The following RASGRP3 variants were observed in gnomAD, a reference collection of about 807,000 sequenced individuals.
RASGRP3 encodes the protein RAS guanyl releasing protein 3.
RASGRP3 carries 54 observed loss-of-function variants against 82.7 expected under a neutral mutation model. The observed-to-expected ratio is 0.65, with a 90% CI of 0.52 to 0.82. The LOEUF (loss-of-function observed/expected upper bound fraction) is 0.82. RASGRP3 is among the 40% of genes least tolerant of loss of function. The pLI is 0.00. For synonymous variants in RASGRP3, 309 were observed against 300.5 expected (o/e 1.03, Z -0.29); for missense variants, 861 against 828.9 (o/e 1.04, Z -0.48).
At chr2:33,530,341 C>T (rs1277135619) in intron 10 of RASGRP3, among the ~76,000 whole-genome samples, 1 of 152,138 alleles carries the variant, frequency 6.6e-6, no homozygotes, top group Non-Finnish European at 1.5e-5. Context: ...ATGCCTACTC[C>T]GTGTGGTAGG....
At chr2:33,561,837 T>C (rs941104169) in intron 17 of RASGRP3, among the ~76,000 whole-genome samples, 5 of 152,202 alleles carry the variant, frequency 3.3e-5, no homozygotes, top group African/African-American at 1.2e-4. Flanking sequence ...TGGCAGTGTA[T>C]GTCATCTCCC....
chr2:33,517,944 C>G (rs764744008), intron 4 of RASGRP3, among the ~76,000 whole-genome samples: 1 of 152,086 alleles, frequency 6.6e-6, no homozygotes, highest in Admixed American at 6.6e-5. Flanking sequence ...TCCACAGTGC[C>G]TGGCATATAC....
chr2:33,443,193 G>A (rs1195535927), intron 1 of RASGRP3, among the ~76,000 whole-genome samples: 21 of 152,068 alleles, frequency 1.4e-4, no homozygotes, highest in Non-Finnish European at 4.4e-5. Flanking sequence ...TTTTTAAATT[G>A]TCCCTAGTCT....
intron 9 of RASGRP3, among the ~76,000 whole-genome samples, chr2:33,526,230 A>C (rs1370239792): frequency 6.6e-6 from 1 of 152,152 alleles, no homozygotes; most frequent in African/African-American, 2.4e-5. Flanking sequence ...ATAAATCAAA[A>C]CCCATTCCTG....
At chr2:33,537,320 A>ACCACCC (rs1266542679) in intron 11 of RASGRP3, among the ~76,000 whole-genome samples, 15 of 33,330 alleles carry the variant, frequency 4.5e-4, no homozygotes, top group East Asian at 3.7e-3. Flanking sequence ...ACACACACAC[A>ACCACCC]CCGCCCCCCC....
chr2:33,444,882 G>A (rs1254443855), intron 1 of RASGRP3, among the ~76,000 whole-genome samples: 1 of 152,088 alleles, frequency 6.6e-6, no homozygotes. Flanking sequence ...GTGAATTTTA[G>A]GTATAGGAAT....
intron 2 of RASGRP3, among the ~76,000 whole-genome samples, chr2:33,512,985 T>A (rs1276651191): frequency 6.6e-6 from 1 of 152,026 alleles, no homozygotes; most frequent in African/African-American, 2.4e-5. Flanking sequence ...ACATGCCAAG[T>A]GAGAGGTGGG....
At chr2:33,522,869 A>G (rs1672167259) in intron 7 of RASGRP3, among the ~76,000 whole-genome samples, 1 of 152,198 alleles carries the variant, frequency 6.6e-6, no homozygotes, top group African/African-American at 2.4e-5. Context: ...TTCTTTCACT[A>G]AGTAATCCTA....
In RASGRP3 at chr2:33,543,511, G is replaced by A; in HGVS notation, c.1279-1G>A. On this transcript the variant is annotated splice_acceptor_variant, in intron 12 of 17. Coordinates refer to ENST00000403687, the MANE Select transcript of RASGRP3 (RefSeq NM_001139488.2). LOFTEE classifies it high-confidence loss of function. ...AATAAATACTTATCTTTCCTTTGCA[G>A]TCTGTATTTAGAAACTATGATCACG... The A allele has an allele frequency of 6.4e-7, 1 of 1,567,052 alleles. No homozygotes were observed. The highest frequency in any genetic ancestry group is 1.1e-5 in the South Asian group (1 of 88,238).
intron 11 of RASGRP3, among the ~76,000 whole-genome samples, chr2:33,537,925 G>C (rs1673818201): frequency 6.6e-6 from 1 of 152,144 alleles, no homozygotes; most frequent in African/African-American, 2.4e-5. Context: ...TCACCAAAGA[G>C]GGCCAGAGAG....
At chr2:33,558,005 A>G (rs953626145) in intron 15 of RASGRP3, among the ~76,000 whole-genome samples, 2 of 152,110 alleles carry the variant, frequency 1.3e-5, no homozygotes, top group African/African-American at 4.8e-5. Flanking sequence ...CAAATCTAAG[A>G]GAATTTTCGG....
intron 2 of RASGRP3, among the ~76,000 whole-genome samples, chr2:33,455,003 A>T (rs991865198): frequency 6.6e-6 from 1 of 152,176 alleles, no homozygotes; most frequent in Admixed American, 6.5e-5. Flanking sequence ...TTACATGCTC[A>T]TCTGGGCCAA....
chr2:33,502,350 A>G (rs967202048), intron 1 of RASGRP3, among the ~76,000 whole-genome samples: 1 of 151,940 alleles, frequency 6.6e-6, no homozygotes, highest in African/African-American at 2.4e-5. Flanking sequence ...GGTCAAGGGA[A>G]ATTAGTTCAC....
At chr2:33,534,272 T>A in intron 10 of RASGRP3, 51 bp from the exon 11 acceptor site, 1 of 1,289,754 alleles carries the variant, frequency 7.8e-7, no homozygotes. Context: ...GCAACGTAAA[T>A]AAATAAATAA....
chr2:33,450,044 G>A (rs954541202), intron 2 of RASGRP3, among the ~76,000 whole-genome samples: 6 of 152,044 alleles, frequency 3.9e-5, no homozygotes, highest in East Asian at 3.9e-4. Flanking sequence ...TAGAGTCTTC[G>A]GAAGACTCAA....
At chr2:33,467,472 T>C (rs1666767110) in intron 2 of RASGRP3, among the ~76,000 whole-genome samples, 1 of 152,122 alleles carries the variant, frequency 6.6e-6, no homozygotes, top group Admixed American at 6.5e-5. Context: ...AAAGAGAAGG[T>C]ATCAAAAAAG....
At position 33,527,295 on chromosome 2, in the gene RASGRP3, G is replaced by A. The variant is rs1272171519; in HGVS notation, c.966G>A (p.Glu322=). 2.5e-6 allele frequency: 4 copies of A among 1,613,918 alleles called. No individual in the cohort carries two copies. The highest frequency in any genetic ancestry group is 3.3e-5 in the Admixed American group (2 of 60,032). ...TCATTTTCCCAGACTGGACAGAGGA[G>A]AACAAAGTGAACATTGTGAAAATGC... ...VHVIFPDWTE[E]NKVNIVKMHQ... is the part of the protein sequence containing the mutation. Residue 322 remains glutamate, a synonymous_variant, in exon 10 of 18, where the codon GAG becomes GAA. Coordinates refer to ENST00000403687, the MANE Select transcript of RASGRP3 (RefSeq NM_001139488.2).
intron 11 of RASGRP3, among the ~76,000 whole-genome samples, chr2:33,537,330 C>CCCCCAACA (rs66749495): frequency 2.1e-5 from 2 of 95,690 alleles, no homozygotes; most frequent in African/African-American, 9.1e-5. Flanking sequence ...ACCGCCCCCC[C>CCCCCAACA]CACACACACA....
intron 1 of RASGRP3, among the ~76,000 whole-genome samples, chr2:33,509,138 T>C (rs1389568903): frequency 6.6e-6 from 1 of 152,156 alleles, no homozygotes; most frequent in African/African-American, 2.4e-5. Context: ...TGGTGGCTCA[T>C]GCGTGTAATC....
Sources: gnomAD v4.1 joint callset for allele counts (sites outside exome capture counted in the v4.1 genomes callset) on GRCh38, gnomAD v4.1.1 for gene constraint, MANE v1.5 for transcripts, NCBI Gene and HGNC (gene_info 2026-07-23, HGNC 2026-07-21) for gene names.